Variants in ZC3H7B observed in about 807,000 individuals in gnomAD.
The protein encoded by ZC3H7B is zinc finger CCCH-type containing 7B, also known as zinc finger CCCH domain-containing protein 7B.
In ZC3H7B, 35 loss-of-function variants were observed where a neutral mutation model predicts 116.0. That is an observed-to-expected ratio of 0.30 (90% CI 0.23 to 0.40). The LOEUF is 0.40. Among genes scored for constraint, ZC3H7B ranks in the 10% least tolerant of loss-of-function variants. The probability of loss-of-function intolerance (pLI) is 1.00; values close to 1 mark genes in which losing one functional copy is unlikely to be tolerated. For synonymous variants in ZC3H7B, 502 were observed against 545.6 expected (o/e 0.92, Z 1.11); for missense variants, 1,011 against 1,321.5 (o/e 0.77, Z 3.64).
At chr22:41,304,392 G>T (rs1373346768) in intron 1 of ZC3H7B, among the ~76,000 whole-genome samples, 1 of 151,904 alleles carries the variant, frequency 6.6e-6, no homozygotes, top group African/African-American at 2.4e-5. Context: ...TACCCACCTC[G>T]GCCTCCCAAA....
Position 41,327,192 on chromosome 22 carries a change from C to A in ZC3H7B, c.286-14C>A. 1 of 1,613,156 alleles carries A rather than the reference C, an allele frequency of 6.2e-7. No individual in the cohort carries two copies. ...ACAGGTGTTGACCAGTGACCACATGCTCCTCTCTGGCAGGGCCTGTATGAG... is the reference window on the plus strand; with the variant it reads ...ACAGGTGTTGACCAGTGACCACATGATCCTCTCTGGCAGGGCCTGTATGAG... On this transcript the variant is annotated splice_polypyrimidine_tract_variant and intron_variant, in intron 4 of 22. Transcript: ENST00000352645. This position sits in a 1 kb window ranked among gnomAD's most constrained non-coding sequence, Gnocchi z 4.5.
Position 41,341,107 on chromosome 22 carries a change from C to A in ZC3H7B, c.1158C>A (p.Asp386Glu). ...DSFMEETNSQ[D>E]HRPPSGAQKP... ...GCCCAGAGGAGACCAACTCACAGGA[C>A]CACCGTCCCCCTAGCGGTGCTCAGA... The change falls in exon 11 of 23, where the codon GAC becomes GAA. Residue 386 changes from aspartate (D) to glutamate (E), a missense_variant. Around this residue, in one of 5 missense-constraint regions of ZC3H7B, gnomAD observed 99 missense variants for 89.5 expected, o/e 1.11. Coordinates refer to ENST00000352645, the MANE Select transcript of ZC3H7B (RefSeq NM_017590.6). The A allele has an allele frequency of 4.3e-6, 7 of 1,613,948 alleles. No individual in the cohort carries two copies. The highest frequency in any genetic ancestry group is 5.9e-6 in the Non-Finnish European group (7 of 1,179,886).
chr22:41,342,728 G>A (rs1464565134), intron 12 of ZC3H7B, 100 bp downstream of exon 12: 3 of 1,221,566 alleles, frequency 2.5e-6, no homozygotes, highest in Non-Finnish European at 2.3e-6. Context: ...CTCAGTTGGA[G>A]ATAAGTGCCA....
chr22:41,357,431 G>A lies in ZC3H7B; in HGVS notation c.*2G>A, dbSNP rs1217340479. The A allele has an allele frequency of 3.2e-6, 5 of 1,580,764 alleles. No individual in the cohort carries two copies. The South Asian group carries it at 5.5e-5, about 17-fold the overall frequency. ...GCCACCGCCACCACTGGGGAGTAGG[G>A]CCAGGTGTTGGCCGTGGGTGAAGTC... is the stretch of plus-strand genomic sequence containing the variant. On this transcript the variant is annotated 3_prime_UTR_variant, in exon 23 of 23. Transcript: ENST00000352645. This position sits in a 1 kb window ranked among gnomAD's most constrained non-coding sequence, Gnocchi z 5.4.
At chr22:41,329,871 G>A in intron 5 of ZC3H7B, 152 bp from the exon 6 acceptor site, 1 of 574,064 alleles carries the variant, frequency 1.7e-6, no homozygotes, top group Admixed American at 4.0e-5. Flanking sequence ...GTGTGACTTG[G>A]ACAAGCCAGG....
At chr22:41,317,078 T>C (rs1298638566) in intron 1 of ZC3H7B, among the ~76,000 whole-genome samples, 1 of 151,990 alleles carries the variant, frequency 6.6e-6, no homozygotes, top group Non-Finnish European at 1.5e-5. Context: ...GACCTCGTTA[T>C]CCGCCTGCCT....
At position 41,349,907 on chromosome 22, in the gene ZC3H7B, C is replaced by T. The variant is rs2036636254; in HGVS notation, c.1948+606C>T. Among the ~76,000 whole-genome samples the T allele has an allele frequency of 6.6e-6, 1 of 152,224 alleles. No homozygotes were observed. The highest frequency in any genetic ancestry group is 1.5e-5 in the Non-Finnish European group (1 of 68,054). ...TCCATTCTAGGATGCACATTTACCCCTACTGCCTGTCATCATTTAATTAGC... is the reference window on the plus strand; with the variant it reads ...TCCATTCTAGGATGCACATTTACCCTTACTGCCTGTCATCATTTAATTAGC... On this transcript the variant is annotated intron_variant, in intron 16 of 22. Coordinates refer to ENST00000352645, the MANE Select transcript of ZC3H7B (RefSeq NM_017590.6). The surrounding 1 kb of genome is among the most constrained non-coding windows in gnomAD (Gnocchi z 4.9).
At position 41,327,175 on chromosome 22, in the gene ZC3H7B, T is replaced by C. The variant is rs1420734008; in HGVS notation, c.286-31T>C. The C allele has an allele frequency of 1.2e-6, 2 of 1,611,090 alleles. No individual in the cohort carries two copies. The highest frequency in any genetic ancestry group is 1.7e-6 in the Non-Finnish European group (2 of 1,178,558). ...CTGGGGGAGGGAGGGTAACAGGTGT[T>C]GACCAGTGACCACATGCTCCTCTCT... is the stretch of plus-strand genomic sequence containing the variant. On this transcript the variant is annotated intron_variant, in intron 4 of 22. Transcript: ENST00000352645. The surrounding 1 kb of genome is among the most constrained non-coding windows in gnomAD (Gnocchi z 4.5).
At chr22:41,330,988 C>T (rs1306777877) in intron 6 of ZC3H7B, among the ~76,000 whole-genome samples, 2 of 145,896 alleles carry the variant, frequency 1.4e-5, no homozygotes, top group Non-Finnish European at 3.0e-5. Flanking sequence ...TCTGCCTCGG[C>T]CTCTCCGAGT....
Position 41,318,970 on chromosome 22 carries a change from A to T in ZC3H7B, c.-6-1685A>T, listed in dbSNP as rs566403826. 1.1e-4 allele frequency among the ~76,000 whole-genome samples: 17 copies of T among 152,198 alleles called. No individual in the cohort carries two copies. In the East Asian group the frequency reaches 3.3e-3, roughly 29 times the overall value. On this transcript the variant is annotated intron_variant, in intron 1 of 22. Coordinates refer to ENST00000352645, the MANE Select transcript of ZC3H7B (RefSeq NM_017590.6). ...CCTCACATCATACACGTAGATCTCC[A>T]TTCAAATGTCAAAGTGAGCCAGGCG...
intron 13 of ZC3H7B, among the ~76,000 whole-genome samples, chr22:41,345,321 C>A (rs541214047): frequency 6.6e-6 from 1 of 152,280 alleles, no homozygotes; most frequent in South Asian, 2.1e-4. Flanking sequence ...CACAGTGGCT[C>A]ATGCCTGTAA....
chr22:41,334,084 G>A (rs557221731), intron 7 of ZC3H7B: 2 of 152,404 alleles, frequency 1.3e-5, no homozygotes, highest in African/African-American at 4.8e-5. Flanking sequence ...TGGGGGTCCT[G>A]GAACAGGAGA....
At chr22:41,317,271 G>T (rs1292588126) in intron 1 of ZC3H7B, among the ~76,000 whole-genome samples, 1 of 152,178 alleles carries the variant, frequency 6.6e-6, no homozygotes, top group Non-Finnish European at 1.5e-5. Context: ...GAGCCACCGT[G>T]CCCGGCCAGA....
rs542864368 is a variant in ZC3H7B, at chr22:41,320,533, G to A, written c.-6-122G>A. The A allele has an allele frequency of 5.2e-5, 60 of 1,147,466 alleles. 1 individual carries two copies. The highest frequency in any genetic ancestry group is 3.0e-4 in the African/African-American group (20 of 65,628). The allele number at this position is 1,147,466 out of a possible 1,614,324, so 71.1% of individuals were successfully genotyped here. A position where few individuals can be genotyped will look rare whatever the true frequency, so the allele number is the denominator to read the frequency against. On this transcript the variant is annotated intron_variant, in intron 1 of 22. Coordinates refer to ENST00000352645, the MANE Select transcript of ZC3H7B (RefSeq NM_017590.6). The stretch of plus-strand genomic sequence containing the variant: ...CATCGCCCTCAGGGACACGCCTCCC[G>A]ACATGGGGAAGGGAATGAGAGTGGG...
rs543473337 is a variant in ZC3H7B, at chr22:41,311,972, TAATTA to T, written c.-6-8676_-6-8672del. Among the ~76,000 whole-genome samples, 309 of 152,270 alleles carry T rather than the reference TAATTA, an allele frequency of 2.0e-3. 1 individual carries two copies. The highest frequency in any genetic ancestry group is 7.1e-3 in the African/African-American group (295 of 41,548). Reference sequence around the variant, plus strand: ...TTTAATTCATTTTAATTAAATTAGTTAATTAAATTAATCCTTTACTGGTAGACATT... The same window carrying T: ...TTTAATTCATTTTAATTAAATTAGTTAATTAATCCTTTACTGGTAGACATT... On this transcript the variant is annotated intron_variant, in intron 1 of 22. Coordinates refer to ENST00000352645, the MANE Select transcript of ZC3H7B (RefSeq NM_017590.6).
intron 1 of ZC3H7B, among the ~76,000 whole-genome samples, chr22:41,317,000 G>C (rs11504968): frequency 0.041 from 6,186 of 151,960 alleles, 413 homozygotes; most frequent in African/African-American, 0.14. Context: ...GTACCATCAC[G>C]CCCAACTGAC....
intron 1 of ZC3H7B, among the ~76,000 whole-genome samples, chr22:41,305,624 GC>G (rs1249749008): frequency 2.6e-5 from 4 of 152,136 alleles, no homozygotes; most frequent in African/African-American, 7.2e-5. Flanking sequence ...GTATCCCAGG[GC>G]CCCGAGGGGC....
intron 2 of ZC3H7B, among the ~76,000 whole-genome samples, chr22:41,324,312 G>A (rs1253992804): frequency 1.3e-5 from 2 of 152,172 alleles, no homozygotes; most frequent in Non-Finnish European, 2.9e-5. Flanking sequence ...CCTTCCACAC[G>A]CATGTGCATA....
chr22:41,310,562 C>T (rs559267723), intron 1 of ZC3H7B, among the ~76,000 whole-genome samples: 1 of 152,284 alleles, frequency 6.6e-6, no homozygotes, highest in East Asian at 1.9e-4. Flanking sequence ...TCCAAGCTCC[C>T]TGGGAGCAGG....
Sources: allele counts gnomAD v4.1 joint callset (sites outside exome capture counted in the v4.1 genomes callset), GRCh38; gene constraint gnomAD v4.1.1; regional missense constraint gnomAD v4.1.1; non-coding constraint Gnocchi (gnomAD v3.1); transcripts MANE v1.5; gene names NCBI Gene and HGNC (gene_info 2026-07-23, HGNC 2026-07-21).